ARHGEF12: variants seen among roughly 807,000 people sequenced by gnomAD.
ARHGEF12 encodes Rho guanine nucleotide exchange factor 12.
ARHGEF12 carries 66 observed loss-of-function variants against 211.2 expected under a neutral mutation model. The ratio of observed to expected loss-of-function variants is 0.31; its 90% CI spans 0.26 to 0.38. ARHGEF12 has a LOEUF of 0.38. ARHGEF12 is among the 10% of genes least tolerant of loss of function. The pLI, the probability that ARHGEF12 is intolerant of heterozygous loss-of-function variation, is 1.00. For missense variants in ARHGEF12, 1,429 were observed against 1,869.5 expected (o/e 0.76, Z 4.34); for synonymous variants, 592 against 638.4 (o/e 0.93, Z 1.09).
chr11:120,483,363 C>T (rs796378194), intron 39 of ARHGEF12, among the ~76,000 whole-genome samples: 27 of 146,306 alleles, frequency 1.8e-4, no homozygotes, highest in African/African-American at 6.3e-4. Flanking sequence ...CAGGTTCAAG[C>T]GATTCTCCTG....
At chr11:120,437,784 A>C (rs1413887830) in intron 12 of ARHGEF12, among the ~76,000 whole-genome samples, 1 of 152,094 alleles carries the variant, frequency 6.6e-6, no homozygotes, top group African/African-American at 2.4e-5. Flanking sequence ...TGTCTCTATG[A>C]ATTTGACTAC....
intron 8 of ARHGEF12, among the ~76,000 whole-genome samples, chr11:120,428,498 A>T (rs1347907535): frequency 6.6e-6 from 1 of 152,226 alleles, no homozygotes; most frequent in Non-Finnish European, 1.5e-5. Context: ...AAGGTACTCT[A>T]TGTTCAAGAT....
intron 21 of ARHGEF12, chr11:120,449,894 A>C (rs1946154514): frequency 6.6e-6 from 1 of 151,526 alleles, no homozygotes; most frequent in East Asian, 1.9e-4. Flanking sequence ...ATACATATTT[A>C]CTTAGTCTCC....
intron 1 of ARHGEF12, among the ~76,000 whole-genome samples, chr11:120,389,604 C>A (rs1944148280): frequency 6.6e-6 from 1 of 152,160 alleles, no homozygotes; most frequent in South Asian, 2.1e-4. Flanking sequence ...TTTTGTGTTA[C>A]AAACAATCCA....
intron 1 of ARHGEF12, among the ~76,000 whole-genome samples, chr11:120,399,270 A>G (rs746122095): frequency 2.4e-5 from 3 of 126,950 alleles, no homozygotes; most frequent in Admixed American, 9.4e-5. Flanking sequence ...ACAGTGACCT[A>G]TGATTGTGCC....
chr11:120,428,134 G>T lies in ARHGEF12; in HGVS notation c.472G>T (p.Asp158Tyr). The T allele has an allele frequency of 1.2e-6, 2 of 1,609,000 alleles. No individual in the cohort carries two copies. The highest frequency in any genetic ancestry group is 1.7e-6 in the Non-Finnish European group (2 of 1,177,876). Residue 158 changes from aspartate to tyrosine, a missense_variant, in exon 8 of 41, where the codon GAC (aspartate) becomes TAC (tyrosine). Transcript: ENST00000397843. Reference sequence around the variant, plus strand: ...TGGGTCGCCCCAGATTCCACTTGCCGACTCTGAAGTAGAGCCGTCAGTCAT... The same window carrying T: ...TGGGTCGCCCCAGATTCCACTTGCCTACTCTGAAGTAGAGCCGTCAGTCAT... ...PPGSPQIPLA[D>Y]SEVEPSVIGH...
At chr11:120,466,901 A>G (rs1946719880) in intron 28 of ARHGEF12, among the ~76,000 whole-genome samples, 1 of 152,238 alleles carries the variant, frequency 6.6e-6, no homozygotes, top group African/African-American at 2.4e-5. Flanking sequence ...GAATAGGTGA[A>G]GATAAAACTG....
chr11:120,386,028 A>T (rs1355078173), intron 1 of ARHGEF12, among the ~76,000 whole-genome samples: 1 of 152,168 alleles, frequency 6.6e-6, no homozygotes, highest in Admixed American at 6.5e-5. Flanking sequence ...TTGGAAACTA[A>T]ATTGAAATAT....
At chr11:120,357,500 T>C (rs1484282552) in intron 1 of ARHGEF12, among the ~76,000 whole-genome samples, 2 of 152,202 alleles carry the variant, frequency 1.3e-5, no homozygotes, top group Non-Finnish European at 2.9e-5. Flanking sequence ...ATGAATATAT[T>C]TGCTGAATCC....
chr11:120,466,033 G>A (rs1195779576), intron 28 of ARHGEF12, among the ~76,000 whole-genome samples: 1 of 152,170 alleles, frequency 6.6e-6, no homozygotes, highest in African/African-American at 2.4e-5. Context: ...GTAAACTATG[G>A]CCGACAGACC....
intron 21 of ARHGEF12, chr11:120,450,076 T>C (rs923161993): frequency 6.6e-6 from 1 of 152,038 alleles, no homozygotes; most frequent in African/African-American, 2.4e-5. Context: ...AGTAGCACAT[T>C]TGAAAATACT....
chr11:120,391,284 A>T (rs1944209316), intron 1 of ARHGEF12, among the ~76,000 whole-genome samples: 1 of 152,210 alleles, frequency 6.6e-6, no homozygotes, highest in African/African-American at 2.4e-5. Context: ...TTCTAATAAG[A>T]ATTAAGAAAC....
At chr11:120,420,614 C>G (rs944651310) in intron 4 of ARHGEF12, 139 bp from the exon 5 acceptor site, 1 of 652,526 alleles carries the variant, frequency 1.5e-6, no homozygotes, top group South Asian at 2.1e-5. Context: ...GGTTAGTGTT[C>G]TTATTTTACC....
rs75014307 is a variant in ARHGEF12, at chr11:120,414,796, T to A, written c.199+5346T>A. 7.2e-4 allele frequency among the ~76,000 whole-genome samples: 109 copies of A among 152,312 alleles called. 1 individual carries two copies. The East Asian group carries it at 0.021, about 29-fold the overall frequency. Reference sequence around the variant, plus strand: ...TTGTAGAGAAGAGGTCTTGCTAAGTTGCCCAGGCTGTGCTCAAACTCCTGG... The same window carrying A: ...TTGTAGAGAAGAGGTCTTGCTAAGTAGCCCAGGCTGTGCTCAAACTCCTGG... On this transcript the variant is annotated intron_variant, in intron 4 of 40. Transcript: ENST00000397843.
intron 1 of ARHGEF12, among the ~76,000 whole-genome samples, chr11:120,389,948 T>G (rs1944162206): frequency 6.6e-6 from 1 of 152,208 alleles, no homozygotes; most frequent in Admixed American, 6.5e-5. Context: ...CTTAGGTTGC[T>G]TCCAAATCTT....
intron 27 of ARHGEF12, chr11:120,465,025 A>C: frequency 1.8e-6 from 1 of 564,718 alleles, no homozygotes; most frequent in Non-Finnish European, 3.0e-6. Flanking sequence ...AAAAAAAAGA[A>C]GAAGAAAACA....
chr11:120,473,786 C>G (rs373936518), intron 31 of ARHGEF12, among the ~76,000 whole-genome samples: 1 of 152,158 alleles, frequency 6.6e-6, no homozygotes, highest in East Asian at 1.9e-4. Flanking sequence ...TCTCATGAGG[C>G]TCTTCAGAAG....
intron 16 of ARHGEF12, 37 bp from the exon 17 acceptor site, chr11:120,446,366 A>T (rs751795806): frequency 1.3e-6 from 2 of 1,531,758 alleles, no homozygotes; most frequent in African/African-American, 2.8e-5. Context: ...TGCCCAGAAC[A>T]TACCTTTAGA....
At chr11:120,433,529 A>T (rs1167564107) in intron 11 of ARHGEF12, among the ~76,000 whole-genome samples, 5 of 152,190 alleles carry the variant, frequency 3.3e-5, no homozygotes, top group Admixed American at 3.3e-4. Flanking sequence ...GTCTTGTCTG[A>T]CTTTATGTTT....
Sources: gnomAD v4.1 joint callset for allele counts (sites outside exome capture counted in the v4.1 genomes callset) on GRCh38, gnomAD v4.1.1 for gene constraint, MANE v1.5 for transcripts, NCBI Gene and HGNC (gene_info 2026-07-23, HGNC 2026-07-21) for gene names.